The following FSTL5 variants were observed in gnomAD, a reference collection of about 807,000 sequenced individuals.
The protein encoded by FSTL5 is follistatin-related protein 5.
FSTL5 carries 62 observed loss-of-function variants against 89.1 expected under a neutral mutation model. The observed-to-expected ratio is 0.70, with a 90% CI of 0.57 to 0.86. The LOEUF (loss-of-function observed/expected upper bound fraction) is 0.86, where lower values mean the gene tolerates loss of function less well. Ranked by LOEUF, FSTL5 falls within the 40% of genes least tolerant of loss-of-function variation. FSTL5 has a pLI of 0.00. For missense variants in FSTL5, 1,057 were observed against 1,001.6 expected, an observed-to-expected ratio of 1.06 and a Z score of -0.75; for synonymous variants, 383 against 346.2, an observed-to-expected ratio of 1.11 and a Z score of -1.18.
At chr4:161,992,012 G>A (rs1736126182) in intron 3 of FSTL5, among the ~76,000 whole-genome samples, 1 of 152,228 alleles carries the variant, frequency 6.6e-6, no homozygotes, top group Admixed American at 6.5e-5. Context: ...CACCTGCGGT[G>A]TTCCTGTTCA....
At chr4:161,552,065 G>A (rs1391093129) in intron 8 of FSTL5, among the ~76,000 whole-genome samples, 2 of 151,966 alleles carry the variant, frequency 1.3e-5, no homozygotes, top group African/African-American at 2.4e-5. Context: ...CAAAATGGGA[G>A]AAAATTTTTG....
intron 14 of FSTL5, among the ~76,000 whole-genome samples, chr4:161,455,732 C>T (rs1315011950): frequency 2.0e-5 from 3 of 152,160 alleles, no homozygotes; most frequent in Non-Finnish European, 4.4e-5. Flanking sequence ...TAGTTTATTT[C>T]CCTAATTCCA....
chr4:162,135,549 T>C lies in FSTL5; in HGVS notation c.-16-24137A>G, dbSNP rs1474312177. On this transcript the variant is annotated intron_variant, in intron 1 of 15. Coordinates refer to ENST00000306100, the MANE Select transcript of FSTL5 (RefSeq NM_020116.5). ...CAATTTCAATATGGCTTATTCCACC[T>C]CTGCTCCATAAAAAGTTATCTCCCT... Among the ~76,000 whole-genome samples, 3 of 152,250 alleles carry C rather than the reference T, an allele frequency of 2.0e-5. No homozygotes were observed. The East Asian group carries it at 5.8e-4, about 29-fold the overall frequency.
intron 4 of FSTL5, among the ~76,000 whole-genome samples, chr4:161,819,381 C>T (rs1186190632): frequency 6.6e-6 from 1 of 152,010 alleles, no homozygotes; most frequent in Non-Finnish European, 1.5e-5. Context: ...CTATTTTGTA[C>T]AGTAATAGTC....
intron 8 of FSTL5, among the ~76,000 whole-genome samples, chr4:161,567,953 A>C (rs1332141565): frequency 6.6e-6 from 1 of 152,024 alleles, no homozygotes; most frequent in African/African-American, 2.4e-5. Flanking sequence ...GTTTTTAGAA[A>C]GATTGAGCAC....
At chr4:162,015,098 TG>T (rs1736879490) in intron 3 of FSTL5, among the ~76,000 whole-genome samples, 1 of 152,136 alleles carries the variant, frequency 6.6e-6, no homozygotes, top group Admixed American at 6.6e-5. Flanking sequence ...CAATCAAAAA[TG>T]GAGTAAAACT....
chr4:161,673,951 A>G (rs1011224410), intron 6 of FSTL5, among the ~76,000 whole-genome samples: 1 of 152,006 alleles, frequency 6.6e-6, no homozygotes, highest in Non-Finnish European at 1.5e-5. Flanking sequence ...CTCATTTAAA[A>G]TTAAGGCCAT....
intron 1 of FSTL5, among the ~76,000 whole-genome samples, chr4:162,151,114 C>T (rs1450862446): frequency 1.3e-5 from 2 of 151,850 alleles, no homozygotes; most frequent in African/African-American, 4.8e-5. Flanking sequence ...TTTCTTTTTC[C>T]AGAATGCTCC....
chr4:161,943,848 C>T (rs575720306), intron 3 of FSTL5, among the ~76,000 whole-genome samples: 8 of 152,090 alleles, frequency 5.3e-5, no homozygotes, highest in African/African-American at 1.9e-4. Flanking sequence ...AGCCACTGCG[C>T]CTGGCCCATA....
At chr4:161,481,739 C>T (rs1729518199) in intron 12 of FSTL5, among the ~76,000 whole-genome samples, 1 of 152,082 alleles carries the variant, frequency 6.6e-6, no homozygotes, top group Non-Finnish European at 1.5e-5. Context: ...TTTCAATATT[C>T]CCAAAGCTTC....
intron 2 of FSTL5, among the ~76,000 whole-genome samples, chr4:162,109,148 A>C (rs2111402370): frequency 6.6e-6 from 1 of 152,176 alleles, no homozygotes; most frequent in East Asian, 1.9e-4. Context: ...TGGGAAAAGG[A>C]AGGCCAGAAA....
chr4:161,607,040 G>C (rs1055921233), intron 7 of FSTL5, among the ~76,000 whole-genome samples: 2 of 152,104 alleles, frequency 1.3e-5, no homozygotes, highest in African/African-American at 4.8e-5. Flanking sequence ...ATTCAGAAAT[G>C]TTTTACAACA....
intron 3 of FSTL5, among the ~76,000 whole-genome samples, chr4:161,926,036 T>TA: frequency 6.6e-6 from 1 of 152,042 alleles, no homozygotes; most frequent in East Asian, 1.9e-4. Context: ...AACTATTACA[T>TA]AAAAAATACA....
chr4:161,604,981 A>G (rs1428826958), intron 7 of FSTL5, among the ~76,000 whole-genome samples: 3 of 152,174 alleles, frequency 2.0e-5, no homozygotes, highest in African/African-American at 7.2e-5. Flanking sequence ...GATTTAGAGG[A>G]TAGAGGCAAT....
At chr4:161,742,815 A>G (rs137994412) in intron 6 of FSTL5, among the ~76,000 whole-genome samples, 31 of 152,342 alleles carry the variant, frequency 2.0e-4, no homozygotes, top group African/African-American at 5.8e-4. Flanking sequence ...AATAGAAAAA[A>G]TAACAATAAA....
chr4:161,602,741 C>T (rs912192188), intron 7 of FSTL5, among the ~76,000 whole-genome samples: 1 of 152,064 alleles, frequency 6.6e-6, no homozygotes, highest in Non-Finnish European at 1.5e-5. Context: ...CATTTTCAAA[C>T]TGCTAGGGTA....
intron 8 of FSTL5, among the ~76,000 whole-genome samples, chr4:161,577,044 A>G (rs963877583): frequency 2.0e-5 from 3 of 152,226 alleles, no homozygotes; most frequent in Non-Finnish European, 4.4e-5. Context: ...TAGGAAATCT[A>G]TATCTTAGGA....
At chr4:161,707,928 C>T (rs1013391740) in intron 6 of FSTL5, among the ~76,000 whole-genome samples, 1 of 151,572 alleles carries the variant, frequency 6.6e-6, no homozygotes, top group African/African-American at 2.4e-5. Flanking sequence ...AAGAGATACT[C>T]ATTTTCCCCC....
intron 5 of FSTL5, among the ~76,000 whole-genome samples, chr4:161,760,218 C>A (rs1009551095): frequency 2.0e-4 from 30 of 152,128 alleles, no homozygotes; most frequent in Non-Finnish European, 2.9e-5. Context: ...CTATGGACTG[C>A]GGCTGCAGCT....
Sources: gnomAD v4.1 joint callset for allele counts (sites outside exome capture counted in the v4.1 genomes callset) on GRCh38, gnomAD v4.1.1 for gene constraint, MANE v1.5 for transcripts, NCBI Gene and HGNC (gene_info 2026-07-23, HGNC 2026-07-21) for gene names.